The following KATNAL2 variants were observed in gnomAD, a reference collection of about 807,000 sequenced individuals.
KATNAL2 encodes the protein katanin p60 ATPase-containing subunit A-like 2.
Under a neutral mutation model 76.3 loss-of-function variants are expected in KATNAL2, and 52 were observed. The observed-to-expected ratio is 0.68, with a 90% CI of 0.55 to 0.86. The LOEUF (loss-of-function observed/expected upper bound fraction) is 0.86. Among genes scored for constraint, KATNAL2 ranks in the 40% least tolerant of loss-of-function variants. The pLI is 0.00. For synonymous variants in KATNAL2, 243 were observed against 244.2 expected (o/e 1.00, Z 0.05); for missense variants, 660 against 668.9 (o/e 0.99, Z 0.15).
chr18:46,924,020 T>C (rs1187858745), intron 1 of KATNAL2, among the ~76,000 whole-genome samples: 2 of 152,246 alleles, frequency 1.3e-5, no homozygotes, highest in East Asian at 3.8e-4. Context: ...TCCCATTCTG[T>C]AGGTTGCCTG....
At chr18:46,935,686 G>A (rs1371925783) in intron 1 of KATNAL2, among the ~76,000 whole-genome samples, 2 of 152,168 alleles carry the variant, frequency 1.3e-5, no homozygotes, top group African/African-American at 4.8e-5. Flanking sequence ...GGGAGGGTGA[G>A]GTAGGCGGAT....
chr18:46,949,793 C>T (rs1360669065), intron 3 of KATNAL2, among the ~76,000 whole-genome samples: 1 of 152,336 alleles, frequency 6.6e-6, no homozygotes, highest in African/African-American at 2.4e-5. Flanking sequence ...ACATCCACCT[C>T]CTGATCTAAA....
intron 3 of KATNAL2, among the ~76,000 whole-genome samples, chr18:46,952,797 T>C (rs2059604422): frequency 6.6e-6 from 1 of 151,962 alleles, no homozygotes; most frequent in South Asian, 2.1e-4. Flanking sequence ...GAGGTTTTCC[T>C]TTCCTTCCTG....
intron 15 of KATNAL2, among the ~76,000 whole-genome samples, chr18:47,082,950 A>G (rs904832655): frequency 6.6e-6 from 1 of 152,224 alleles, no homozygotes; most frequent in East Asian, 1.9e-4. Flanking sequence ...TTCCAATGTC[A>G]TTAAATCATC....
chr18:47,052,181 C>T (rs2571033), intron 4 of KATNAL2, among the ~76,000 whole-genome samples: 70,050 of 152,048 alleles, frequency 0.46, 16,098 homozygotes, highest in Admixed American at 0.54. Flanking sequence ...CCCTTGCTTC[C>T]AGTGCTAAGG....
At chr18:46,929,051 C>T (rs955449186) in intron 1 of KATNAL2, among the ~76,000 whole-genome samples, 1 of 152,168 alleles carries the variant, frequency 6.6e-6, no homozygotes, top group Non-Finnish European at 1.5e-5. Flanking sequence ...CCACCTCGGC[C>T]TCCCAAAGTG....
At chr18:46,956,055 A>G (rs536422914) in intron 3 of KATNAL2, among the ~76,000 whole-genome samples, 54 of 152,310 alleles carry the variant, frequency 3.5e-4, no homozygotes, top group African/African-American at 1.2e-3. Flanking sequence ...ATTCATATCT[A>G]AAATATTTTT....
chr18:47,067,107 G>A lies in KATNAL2; in HGVS notation c.813G>A (p.Val271=), dbSNP rs759361543. ...AGCAGTTAGTCAAAGAAGCTGTTGTGTATCCTATAAGGGTAAGGACGGGAA... is the reference window on the plus strand; with the variant it reads ...AGCAGTTAGTCAAAGAAGCTGTTGTATATCCTATAAGGGTAAGGACGGGAA... ...AAKQLVKEAV[V]YPIRYPQLFT... The change falls in exon 11 of 18, where the codon GTG becomes GTA. Residue 271 remains valine (V), a synonymous_variant. Transcript: ENST00000683218. 2.5e-6 allele frequency: 4 copies of A among 1,569,388 alleles called. No homozygotes were observed. Among genetic ancestry groups the A allele is most frequent in the Non-Finnish European group, 3.5e-6 (4 of 1,148,046 alleles).
chr18:47,066,847 T>TTATATATATATATA lies in KATNAL2; in HGVS notation c.727-141_727-128dup, dbSNP rs56018747. On this transcript the variant is annotated intron_variant, in intron 10 of 17. Transcript: ENST00000683218. Reference sequence around the variant, plus strand: ...CCAAAATTACAATGTATATATGTGTTTATATATATATATATATATATATAT... The same window carrying TTATATATATATATA: ...CCAAAATTACAATGTATATATGTGTTTATATATATATATATATATATATATATATATATATATAT... Among the ~76,000 whole-genome samples, 11 of 29,574 alleles carry TTATATATATATATA rather than the reference T, an allele frequency of 3.7e-4. 1 individual carries two copies. Among genetic ancestry groups the TTATATATATATATA allele is most frequent in the East Asian group, 1.4e-3 (1 of 724 alleles). 19.4% of individuals were successfully genotyped at this position (29,574 alleles called of 152,430 possible). A position where few individuals can be genotyped will look rare whatever the true frequency, so the allele number is the denominator to read the frequency against.
intron 3 of KATNAL2, chr18:47,033,748 C>G: frequency 6.2e-7 from 1 of 1,614,202 alleles, no homozygotes; most frequent in Non-Finnish European, 8.5e-7. Flanking sequence ...ATTCACTCTG[C>G]GTCCAGGGAA....
intron 3 of KATNAL2, among the ~76,000 whole-genome samples, chr18:46,957,896 C>T (rs1380728235): frequency 6.6e-6 from 1 of 151,860 alleles, no homozygotes; most frequent in African/African-American, 2.4e-5. Context: ...CGGGGTTTCA[C>T]CATATTGGCC....
chr18:47,045,451 G>A (rs942889936), intron 3 of KATNAL2, among the ~76,000 whole-genome samples: 6 of 151,604 alleles, frequency 4.0e-5, no homozygotes, highest in African/African-American at 1.2e-4. Flanking sequence ...TCAGCCTCTC[G>A]AGTAGCTGGG....
intron 15 of KATNAL2, among the ~76,000 whole-genome samples, chr18:47,097,493 C>G (rs764920479): frequency 6.6e-6 from 1 of 152,162 alleles, no homozygotes; most frequent in Non-Finnish European, 1.5e-5. Flanking sequence ...TAGAACTTCC[C>G]TCTTAGAGAC....
intron 4 of KATNAL2, among the ~76,000 whole-genome samples, chr18:47,048,084 G>T (rs958730571): frequency 7.9e-5 from 12 of 152,110 alleles, no homozygotes; most frequent in Non-Finnish European, 1.6e-4. Flanking sequence ...CTGTCACACT[G>T]GCATCTAGTG....
chr18:47,050,825 A>T (rs183428086), intron 4 of KATNAL2, among the ~76,000 whole-genome samples: 2 of 152,222 alleles, frequency 1.3e-5, no homozygotes, highest in Admixed American at 1.3e-4. Flanking sequence ...CGTGAGCTGG[A>T]CTTAAAAGAT....
chr18:47,032,567 C>T lies in KATNAL2; in HGVS notation c.52-13890C>T, dbSNP rs73440916. 592 of 212,670 alleles carry T rather than the reference C, an allele frequency of 2.8e-3. 3 individuals carry two copies. Among genetic ancestry groups the T allele is most frequent in the African/African-American group, 0.013 (542 of 42,294 alleles). The allele number at this position is 212,670 out of a possible 1,614,324, so 13.2% of individuals were successfully genotyped here. On this transcript the variant is annotated intron_variant, in intron 3 of 17. Coordinates refer to ENST00000683218, the MANE Select transcript of KATNAL2 (RefSeq NM_001387690.1). ...CAGCCTTTTATTAAAACAACAACAA[C>T]GGCAGCAACAGCAAACATTTTATGT...
At position 46,938,951 on chromosome 18, in the gene KATNAL2, G is replaced by T. The variant is rs115515991; in HGVS notation, c.-509-7106G>T. ...TCAATTCCTGCACCCCCAGTCCTTT[G>T]CTAGCATATAAGTTCAGTGAAGGCA... On this transcript the variant is annotated intron_variant, in intron 1 of 17. Transcript: ENST00000683218. Among the ~76,000 whole-genome samples the T allele has an allele frequency of 6.4e-3, 972 of 152,156 alleles. 8 individuals are homozygous for T. Among genetic ancestry groups the T allele is most frequent in the African/African-American group, 0.022 (913 of 41,516 alleles).
rs918442949 is a variant in KATNAL2 at position 46,946,393 on chromosome 18, T to C, written c.-173T>C. ...AGATTCGTCCAGTCTAGATAGACCA[T>C]GCACAGAGAATTTCAAAGAAAAGCA... On this transcript the variant is annotated 5_prime_UTR_variant, in exon 2 of 18. The change abolishes an upstream ATG in the 5' untranslated region. Coordinates refer to ENST00000683218, the MANE Select transcript of KATNAL2 (RefSeq NM_001387690.1). 9.7e-7 allele frequency: 1 copy of C among 1,033,534 alleles called. No individual in the cohort carries two copies. The highest frequency in any genetic ancestry group is 1.7e-5 in the African/African-American group (1 of 58,376). 64.0% of individuals were successfully genotyped at this position (1,033,534 alleles called of 1,614,324 possible).
At chr18:47,062,883 T>A in intron 8 of KATNAL2, 89 bp from the exon 9 acceptor site, 1 of 1,002,762 alleles carries the variant, frequency 1.0e-6, no homozygotes, top group Non-Finnish European at 1.5e-6. Context: ...CCAGGGTCTA[T>A]AAATGTGTCT....
Sources: gnomAD v4.1 joint callset for allele counts (sites outside exome capture counted in the v4.1 genomes callset) on GRCh38, gnomAD v4.1.1 for gene constraint, MANE v1.5 for transcripts, NCBI Gene and HGNC (gene_info 2026-07-23, HGNC 2026-07-21) for gene names.